HSF4: variants seen among roughly 807,000 people sequenced by gnomAD.
HSF4 encodes the protein heat shock transcription factor 4.
In HSF4, 41 loss-of-function variants were observed where a neutral mutation model predicts 52.0. That is an observed-to-expected ratio of 0.79 (90% confidence interval 0.61 to 1.02). The LOEUF is 1.02. Ranked by LOEUF, HSF4 falls within the 50% of genes least tolerant of loss-of-function variation. HSF4 has a pLI of 0.00. For synonymous variants in HSF4, 285 were observed against 273.0 expected, an observed-to-expected ratio of 1.04 and a Z score of -0.43; for missense variants, 610 against 651.1, an observed-to-expected ratio of 0.94 and a Z score of 0.69.
At position 67,169,236 on chromosome 16, in the gene HSF4, T is replaced by C. The variant is rs1037286671; in HGVS notation, c.1255-43T>C. On this transcript the variant is annotated intron_variant, in intron 11 of 12. Coordinates refer to ENST00000521374, the MANE Select transcript of HSF4 (RefSeq NM_001374675.1). The surrounding 1 kb of genome is among the most constrained non-coding windows in gnomAD (Gnocchi z 4.3). ...TGATTTCCCAGCTGTCCCCCTCAGC[T>C]GCTAGGTCCCCTCCCCAGCTGCTCC... is the stretch of plus-strand genomic sequence containing the variant. The C allele has an allele frequency of 6.2e-7, 1 of 1,611,816 alleles. No homozygotes were observed.
rs1326535509 is a variant in HSF4, at chr16:67,169,228, C to T, written c.1255-51C>T. The T allele has an allele frequency of 6.2e-7, 1 of 1,610,064 alleles. No individual in the cohort carries two copies. The highest frequency in any genetic ancestry group is 2.2e-5 in the East Asian group (1 of 44,816). On this transcript the variant is annotated intron_variant, in intron 11 of 12. Coordinates refer to ENST00000521374, the MANE Select transcript of HSF4 (RefSeq NM_001374675.1). This position sits in a 1 kb window ranked among gnomAD's most constrained non-coding sequence, Gnocchi z 4.3. The stretch of plus-strand genomic sequence containing the variant: ...TGTCACAGTGATTTCCCAGCTGTCC[C>T]CCTCAGCTGCTAGGTCCCCTCCCCA...
At chr16:67,167,998 C>G in intron 9 of HSF4, 51 bp downstream of exon 9, 1 of 1,397,330 alleles carries the variant, frequency 7.2e-7, no homozygotes, top group Non-Finnish European at 9.8e-7. Flanking sequence ...ACAGCCCTTA[C>G]CAGCCCACAA....
In HSF4 at chr16:67,165,834, C is replaced by T. The variant is rs757622006; in HGVS notation, c.348C>T (p.Arg116=). ...FVRGREQLLE[R]VRRKVPALRG... ...GCGGCCGCGAGCAGCTACTGGAGCGCGTGCGGCGCAAGGTGGGGGCGGCCT... is the reference window on the plus strand; with the variant it reads ...GCGGCCGCGAGCAGCTACTGGAGCGTGTGCGGCGCAAGGTGGGGGCGGCCT... Residue 116 remains arginine, a synonymous_variant, in exon 3 of 13, where the codon CGC becomes CGT. Transcript: ENST00000521374. The surrounding 1 kb of genome is among the most constrained non-coding windows in gnomAD (Gnocchi z 6.9). 6.2e-7 allele frequency: 1 copy of T among 1,604,990 alleles called. No homozygotes were observed. The highest frequency in any genetic ancestry group is 2.2e-5 in the East Asian group (1 of 44,820).
In HSF4 at chr16:67,165,620, A is replaced by G. The variant is rs757063242; in HGVS notation, c.222A>G (p.Gln74=). The change falls in exon 2 of 13, where the codon CAA becomes CAG. Residue 74 remains glutamine, a synonymous_variant. Transcript: ENST00000521374. This position sits in a 1 kb window ranked among gnomAD's most constrained non-coding sequence, Gnocchi z 6.9. ...GCAACATGGCGAGCTTCGTGCGCCA[A>G]CTCAACATGTGTGAGTCCCTACGGC... ...KHSNMASFVR[Q]LNMYGFRKVV... The G allele has an allele frequency of 6.2e-6, 10 of 1,612,524 alleles. No individual in the cohort carries two copies. Among genetic ancestry groups the G allele is most frequent in the African/African-American group, 4.0e-5 (3 of 74,804 alleles).
In HSF4 at chr16:67,166,037, A is replaced by G; in HGVS notation, c.452A>G (p.Glu151Gly). The change falls in exon 4 of 13, where the codon GAG becomes GGG. Residue 151 changes from glutamate (E) to glycine (G), a missense_variant. By Grantham distance (98) the Glu-to-Gly change is moderately conservative (BLOSUM62 -2). Transcript: ENST00000521374. ...GTGCAGGCTTTGCGGGGAGTGCAGG[A>G]GAGCACCGAGGCGCGGCTGCGGGAG... Reference protein sequence around the residue: ...GEVQALRGVQESTEARLRELR... With the variant: ...GEVQALRGVQGSTEARLRELR... The G allele has an allele frequency of 1.3e-6, 2 of 1,500,982 alleles. No individual in the cohort carries two copies. Among genetic ancestry groups the G allele is most frequent in the Non-Finnish European group, 1.8e-6 (2 of 1,127,984 alleles). 93.0% of individuals were successfully genotyped at this position (1,500,982 alleles called of 1,614,324 possible). A position where few individuals can be genotyped will look rare whatever the true frequency, so the allele number is the denominator to read the frequency against.
upstream of HSF4, chr16:67,164,443 C>A: frequency 2.0e-6 from 1 of 498,582 alleles, no homozygotes; most frequent in Non-Finnish European, 3.9e-6. Context: ...CCTTCTAGGA[C>A]TTGCCCAGCC....
rs536369151 is a variant in HSF4, at chr16:67,165,525, G to C, written c.127G>C (p.Gly43Arg). 1.2e-6 allele frequency: 2 copies of C among 1,613,004 alleles called. No homozygotes were observed. The highest frequency in any genetic ancestry group is 1.6e-4 in the Middle Eastern group (1 of 6,062). ...GGGCGGGCGGCGTTCTTGGTAGAGCGGGACCAGTTTCCTCGTAAGCGACCA... is the reference window on the plus strand; with the variant it reads ...GGGCGGGCGGCGTTCTTGGTAGAGCCGGACCAGTTTCCTCGTAAGCGACCA... The part of the protein sequence containing the change: ...TDHLIRWSPS[G>R]TSFLVSDQSR... Residue 43 changes from glycine to arginine, a missense_variant, in exon 2 of 13, where the codon GGG becomes CGG. Physicochemically the swap from Gly to Arg is moderately radical, Grantham distance 125. Coordinates refer to ENST00000521374, the MANE Select transcript of HSF4 (RefSeq NM_001374675.1). This position sits in a 1 kb window ranked among gnomAD's most constrained non-coding sequence, Gnocchi z 6.9.
At position 67,167,500 on chromosome 16, in the gene HSF4, T is replaced by G; in HGVS notation, c.755T>G (p.Leu252Arg). ...QSPLPETNLG[L>R]SPHRARGPII... ...CCTCTCCCAGAGACAAATTTGGGCC[T>G]TAGCCCTCACAGGGCCAGGGGCCCC... is the stretch of plus-strand genomic sequence containing the variant. The change falls in exon 8 of 13, where the codon CTT becomes CGT. Residue 252 changes from leucine (L) to arginine (R), a missense_variant. Coordinates refer to ENST00000521374, the MANE Select transcript of HSF4 (RefSeq NM_001374675.1). The G allele has an allele frequency of 1.2e-6, 2 of 1,613,796 alleles. No homozygotes were observed. Among genetic ancestry groups the G allele is most frequent in the Non-Finnish European group, 1.7e-6 (2 of 1,180,024 alleles).
At chr16:67,167,274 G>A (rs2031374990) in intron 7 of HSF4, 52 bp downstream of exon 7, 2 of 1,612,734 alleles carry the variant, frequency 1.2e-6, no homozygotes, top group African/African-American at 2.7e-5. Flanking sequence ...CTTATGGAGA[G>A]CCTGTTCCTT....
At chr16:67,166,136 G>C (rs1171776586) in intron 4 of HSF4, 66 bp downstream of exon 4, 2 of 1,486,228 alleles carry the variant, frequency 1.3e-6, no homozygotes, top group Non-Finnish European at 1.8e-6. Flanking sequence ...ATAACTGGCC[G>C]GCCAGCAGTT....
intron 9 of HSF4, among the ~76,000 whole-genome samples, 160 bp downstream of exon 9, chr16:67,168,107 A>T (rs1597242937): frequency 6.6e-6 from 1 of 152,278 alleles, no homozygotes; most frequent in East Asian, 1.9e-4. Context: ...GGCACTCAGC[A>T]TCTGCGGAAG....
chr16:67,168,156 G>A (rs2031442148), intron 9 of HSF4, among the ~76,000 whole-genome samples: 1 of 152,222 alleles, frequency 6.6e-6, no homozygotes, highest in African/African-American at 2.4e-5. Flanking sequence ...TCCCTGGGGT[G>A]ACTGCAAAGT....
upstream of HSF4, chr16:67,163,877 G>GA (rs372998678): frequency 1.3e-6 from 2 of 1,527,450 alleles, no homozygotes; most frequent in Non-Finnish European, 1.7e-6. Context: ...AGGGAACGGG[G>GA]GGGGTGTCCA....
At chr16:67,163,913 C>A, upstream of HSF4, 3 of 1,514,426 alleles carry the variant, frequency 2.0e-6, no homozygotes, top group Non-Finnish European at 1.8e-6. Flanking sequence ...CTAGTGCCTT[C>A]TTTTGGGATT....
rs924507557 is a variant in HSF4, at chr16:67,165,259, G to A, written c.124-263G>A. The A allele has an allele frequency of 4.4e-5, 26 of 596,316 alleles. No homozygotes were observed. In the East Asian group the frequency reaches 7.2e-4, roughly 17 times the overall value. 36.9% of individuals were successfully genotyped at this position (596,316 alleles called of 1,614,324 possible). On this transcript the variant is annotated intron_variant, in intron 1 of 12. Transcript: ENST00000521374. This position sits in a 1 kb window ranked among gnomAD's most constrained non-coding sequence, Gnocchi z 6.9. ...AGCTCAGGGTCACATTGCGGGGCTG[G>A]GAACCCCGTCAGCCTCTCCTTTCTG...
rs2031115736 is a variant in HSF4, at chr16:67,164,779, GGC to G, written c.-32_-31del. The G allele has an allele frequency of 1.3e-6, 2 of 1,574,690 alleles. No homozygotes were observed. Among genetic ancestry groups the G allele is most frequent in the Non-Finnish European group, 1.7e-6 (2 of 1,169,074 alleles). ...GGCTTTGACGAGCCCGCAGCGGCCG[GGC>G]CCGAGCGCAGAGCCGGGCCGAGACT... is the stretch of plus-strand genomic sequence containing the variant. On this transcript the variant is annotated 5_prime_UTR_variant, in exon 1 of 13. Transcript: ENST00000521374.
chr16:67,164,722 G>A, upstream of HSF4: 2 of 1,442,934 alleles, frequency 1.4e-6, no homozygotes, highest in Non-Finnish European at 1.8e-6. Context: ...GCGGAGTAGG[G>A]CGGAGCGGGC....
upstream of HSF4, chr16:67,164,453 C>T: frequency 2.0e-6 from 1 of 510,598 alleles, no homozygotes; most frequent in Non-Finnish European, 3.8e-6. Flanking sequence ...CTTGCCCAGC[C>T]CACACCAGGT....
rs1049785525 is a variant in HSF4 at position 67,169,300 on chromosome 16, C to T, written c.1276C>T (p.Arg426Trp). 2 of 1,613,646 alleles carry T rather than the reference C, an allele frequency of 1.2e-6. No individual in the cohort carries two copies. The highest frequency in any genetic ancestry group is 1.7e-6 in the Non-Finnish European group (2 of 1,179,978). Residue 426 changes from arginine (R) to tryptophan (W), a missense_variant, in exon 12 of 13, where the codon CGG becomes TGG. Arg to Trp is a moderately radical substitution (Grantham distance 101, BLOSUM62 -3). Coordinates refer to ENST00000521374, the MANE Select transcript of HSF4 (RefSeq NM_001374675.1). The surrounding 1 kb of genome is among the most constrained non-coding windows in gnomAD (Gnocchi z 4.3). Reference protein sequence around the residue: ...LSLMQPLVPERGEPELAVKGL... With the variant: ...LSLMQPLVPEWGEPELAVKGL... ...GCAGATGCAGCCCTTGGTTCCAGAG[C>T]GGGGTGAGCCTGAGCTGGCGGTCAA...
Sources: allele counts gnomAD v4.1 joint callset (sites outside exome capture counted in the v4.1 genomes callset), GRCh38; gene constraint gnomAD v4.1.1; non-coding constraint Gnocchi (gnomAD v3.1); transcripts MANE v1.5; gene names NCBI Gene and HGNC (gene_info 2026-07-23, HGNC 2026-07-21).